Variants in MCTP2 observed in about 807,000 individuals in gnomAD.
MCTP2 encodes multiple C2 and transmembrane domain containing 2.
MCTP2 carries 132 observed loss-of-function variants against 111.6 expected under a neutral mutation model. That is an observed-to-expected ratio of 1.18 (90% confidence interval 1.03 to 1.37). The LOEUF (loss-of-function observed/expected upper bound fraction) is 1.37, where lower values mean the gene tolerates loss of function less well. MCTP2 is among the 40% of genes most tolerant of loss of function. The probability of loss-of-function intolerance (pLI) is 0.00; values close to 1 mark genes in which losing one functional copy is unlikely to be tolerated. For missense variants in MCTP2, 1,183 were observed against 1,067.9 expected (o/e 1.11, Z -1.50); for synonymous variants, 395 against 387.7 (o/e 1.02, Z -0.22).
rs144965189 is a variant in MCTP2, at chr15:94,342,236, A to G, written c.969+1312A>G. On this transcript the variant is annotated intron_variant, in intron 7 of 22. Coordinates refer to ENST00000357742, the MANE Select transcript of MCTP2 (RefSeq NM_001385001.1). The stretch of plus-strand genomic sequence containing the variant: ...GCATATTAGATTATGTTTAGCAGTA[A>G]TATTGGCACTTAAAAGATATTTAAT... 9.2e-4 allele frequency: 140 copies of G among 152,312 alleles called. 2 individuals are homozygous for G. The highest frequency in any genetic ancestry group is 3.3e-3 in the African/African-American group (139 of 41,578). The allele number at this position is 152,312 out of a possible 1,614,324, so 9.4% of individuals were successfully genotyped here. A position where few individuals can be genotyped will look rare whatever the true frequency, so the allele number is the denominator to read the frequency against.
At chr15:94,363,885 A>G (rs2079059215) in intron 10 of MCTP2, among the ~76,000 whole-genome samples, 1 of 152,226 alleles carries the variant, frequency 6.6e-6, no homozygotes, top group East Asian at 1.9e-4. Context: ...TAATTGGTTC[A>G]TGCTCATTAA....
At chr15:94,445,810 TG>T (rs1350184222) in intron 19 of MCTP2, among the ~76,000 whole-genome samples, 2 of 152,248 alleles carry the variant, frequency 1.3e-5, no homozygotes, top group Non-Finnish European at 2.9e-5. Flanking sequence ...ACAGCCATTT[TG>T]TTCAAAACCA....
At chr15:94,328,323 T>C (rs2039645400) in intron 4 of MCTP2, among the ~76,000 whole-genome samples, 1 of 151,718 alleles carries the variant, frequency 6.6e-6, no homozygotes, top group Non-Finnish European at 1.5e-5. Flanking sequence ...AGAGACGGGG[T>C]TTCACTGTGT....
At chr15:94,455,661 G>C (rs1006415126) in intron 19 of MCTP2, among the ~76,000 whole-genome samples, 1 of 151,938 alleles carries the variant, frequency 6.6e-6, no homozygotes, top group Non-Finnish European at 1.5e-5. Context: ...TCCTGACCTC[G>C]TTATCTGCCC....
At chr15:94,338,414 C>A (rs908140313) in intron 4 of MCTP2, among the ~76,000 whole-genome samples, 3 of 151,906 alleles carry the variant, frequency 2.0e-5, no homozygotes, top group African/African-American at 7.3e-5. Flanking sequence ...AAGTGTATTC[C>A]AAGCATTGTA....
chr15:94,247,390 G>T (rs2072092575), intron 1 of MCTP2, among the ~76,000 whole-genome samples: 1 of 152,126 alleles, frequency 6.6e-6, no homozygotes, highest in African/African-American at 2.4e-5. Flanking sequence ...AAATGTTAAT[G>T]GAAAGAGGGG....
intron 2 of MCTP2, among the ~76,000 whole-genome samples, chr15:94,300,069 C>T (rs1337452890): frequency 1.3e-5 from 2 of 152,040 alleles, no homozygotes; most frequent in African/African-American, 4.8e-5. Context: ...AGGAAGGTAA[C>T]CTGTTGAATT....
At chr15:94,457,111 C>A (rs1346657564) in intron 19 of MCTP2, among the ~76,000 whole-genome samples, 1 of 152,078 alleles carries the variant, frequency 6.6e-6, no homozygotes, top group African/African-American at 2.4e-5. Context: ...AACTAAAATT[C>A]TATATAGGAA....
intron 17 of MCTP2, among the ~76,000 whole-genome samples, chr15:94,436,901 A>G (rs1229552516): frequency 2.0e-5 from 3 of 152,120 alleles, no homozygotes; most frequent in Admixed American, 6.5e-5. Context: ...AAAGGGAAAT[A>G]GGTAACAAAC....
intron 17 of MCTP2, among the ~76,000 whole-genome samples, chr15:94,432,579 C>T (rs1418781451): frequency 1.3e-5 from 2 of 152,144 alleles, no homozygotes; most frequent in African/African-American, 4.8e-5. Context: ...TTTGTATGAA[C>T]AACCATAATG....
chr15:94,245,208 A>ATG (rs1325144412), intron 1 of MCTP2, among the ~76,000 whole-genome samples: 1 of 142,330 alleles, frequency 7.0e-6, no homozygotes, highest in Non-Finnish European at 1.5e-5. Flanking sequence ...GTATATATTT[A>ATG]TACATATGTG....
chr15:94,427,911 T>C (rs2082972628), intron 17 of MCTP2, among the ~76,000 whole-genome samples: 1 of 152,238 alleles, frequency 6.6e-6, no homozygotes, highest in Admixed American at 6.5e-5. Flanking sequence ...AGCTGAAGTT[T>C]ATCTTGCACT....
chr15:94,421,978 A>G (rs945571515), intron 17 of MCTP2, among the ~76,000 whole-genome samples: 5 of 152,250 alleles, frequency 3.3e-5, no homozygotes, highest in Admixed American at 3.3e-4. Context: ...CTTGCATACA[A>G]AGTGTTTCAA....
At chr15:94,295,194 C>T (rs2075215113) in intron 1 of MCTP2, among the ~76,000 whole-genome samples, 1 of 151,736 alleles carries the variant, frequency 6.6e-6, no homozygotes, top group African/African-American at 2.4e-5. Context: ...AAGCCATCCA[C>T]CCGCCTTGGC....
Position 94,320,181 on chromosome 15 carries a change from C to T in MCTP2, c.637+4544C>T, listed in dbSNP as rs904290687. 1.9e-4 allele frequency among the ~76,000 whole-genome samples: 26 copies of T among 139,944 alleles called. No homozygotes were observed. The East Asian group carries it at 2.3e-3, about 13-fold the overall frequency. The allele number at this position is 139,944 out of a possible 152,430, so 91.8% of individuals were successfully genotyped here. On this transcript the variant is annotated intron_variant, in intron 4 of 22. Transcript: ENST00000357742. ...TTTTTGAGATGGAGTCTCGCTCTGT[C>T]GCCCAGGCTGGAGTGCGGTGGCACA...
At chr15:94,429,141 G>A (rs140646991) in intron 17 of MCTP2, among the ~76,000 whole-genome samples, 119 of 147,862 alleles carry the variant, frequency 8.0e-4, no homozygotes, top group Non-Finnish European at 1.5e-3. Flanking sequence ...CCCTACCGAC[G>A]TCTATGCCTG....
At chr15:94,442,108 C>G (rs557971346) in intron 18 of MCTP2, among the ~76,000 whole-genome samples, 2 of 152,186 alleles carry the variant, frequency 1.3e-5, no homozygotes. Flanking sequence ...GAACAGCGTG[C>G]CTGACCTTTG....
chr15:94,460,935 C>G (rs1208096306), intron 20 of MCTP2, among the ~76,000 whole-genome samples: 1 of 151,802 alleles, frequency 6.6e-6, no homozygotes, highest in African/African-American at 2.4e-5. Context: ...GCTTAAGAAC[C>G]AGGAAAACTT....
intron 10 of MCTP2, among the ~76,000 whole-genome samples, chr15:94,360,971 A>G (rs969657897): frequency 1.3e-5 from 2 of 151,258 alleles, no homozygotes; most frequent in African/African-American, 4.9e-5. Flanking sequence ...GGTGGGGGAA[A>G]TCTACGGTAA....
Sources: gnomAD v4.1 joint callset for allele counts (sites outside exome capture counted in the v4.1 genomes callset) on GRCh38, gnomAD v4.1.1 for gene constraint, MANE v1.5 for transcripts, NCBI Gene and HGNC (gene_info 2026-07-23, HGNC 2026-07-21) for gene names.